The following DEPDC5 variants were observed in gnomAD, a reference collection of about 807,000 sequenced individuals.
The protein encoded by DEPDC5 is GATOR1 complex protein DEPDC5.
Under a neutral mutation model 217.3 loss-of-function variants are expected in DEPDC5, and 73 were observed. The ratio of observed to expected loss-of-function variants is 0.34; its 90% confidence interval spans 0.28 to 0.41. The LOEUF (loss-of-function observed/expected upper bound fraction) is 0.41, where lower values mean the gene tolerates loss of function less well. DEPDC5 is among the 10% of genes least tolerant of loss of function. The pLI is 1.00. For missense variants in DEPDC5, 1,675 were observed against 2,070.1 expected, an observed-to-expected ratio of 0.81 and a Z score of 3.70; for synonymous variants, 733 against 756.7, an observed-to-expected ratio of 0.97 and a Z score of 0.51.
chr22:31,761,128 C>T (rs1424592652), intron 4 of DEPDC5, among the ~76,000 whole-genome samples: 3 of 152,056 alleles, frequency 2.0e-5, no homozygotes, highest in African/African-American at 7.3e-5. Flanking sequence ...ACTACAGGCA[C>T]CTGCCACCAC....
intron 33 of DEPDC5, among the ~76,000 whole-genome samples, chr22:31,864,532 ATT>A (rs1569144881): frequency 2.1e-5 from 3 of 142,940 alleles, no homozygotes; most frequent in African/African-American, 5.2e-5. Flanking sequence ...ATATTTATAT[ATT>A]TATTTATTTA....
intron 7 of DEPDC5, among the ~76,000 whole-genome samples, chr22:31,775,757 G>A (rs1362020712): frequency 6.6e-6 from 1 of 151,876 alleles, no homozygotes; most frequent in Non-Finnish European, 1.5e-5. Context: ...CAGCTCTGTA[G>A]AAGGCTGGGC....
rs1038452790 is a variant in DEPDC5 at position 31,797,607 on chromosome 22, G to A, written c.775G>A (p.Val259Met). Reference sequence around the variant, plus strand: ...TGATAATACTCTTTTCAGAGTGGTGGTGCAGAATGAGAGAAGAGAAGAATG... The same window carrying A: ...TGATAATACTCTTTTCAGAGTGGTGATGCAGAATGAGAGAAGAGAAGAATG... ...RFYEDFYKVVVQNERREEWTS... is the reference protein window; with the variant it reads ...RFYEDFYKVVMQNERREEWTS... Residue 259 changes from valine (V) to methionine (M), a missense_variant, in exon 13 of 43, where the codon GTG (valine) becomes ATG (methionine). Physicochemically the swap from Val to Met is conservative, Grantham distance 21. Around this residue, in one of 11 missense-constraint regions of DEPDC5, gnomAD observed 628 missense variants for 762.1 expected, o/e 0.82. Coordinates refer to ENST00000651528, the MANE Select transcript of DEPDC5 (RefSeq NM_001242896.3). 1.9e-6 allele frequency: 3 copies of A among 1,612,962 alleles called. No individual in the cohort carries two copies. Among genetic ancestry groups the A allele is most frequent in the Non-Finnish European group, 2.5e-6 (3 of 1,178,966 alleles).
At chr22:31,895,867 A>C (rs2093542131) in intron 39 of DEPDC5, among the ~76,000 whole-genome samples, 1 of 152,000 alleles carries the variant, frequency 6.6e-6, no homozygotes, top group South Asian at 2.1e-4. Context: ...CAAATAAAAA[A>C]AGACAGCCTG....
intron 18 of DEPDC5, among the ~76,000 whole-genome samples, chr22:31,809,032 T>C (rs1300853170): frequency 6.6e-6 from 1 of 152,108 alleles, no homozygotes; most frequent in Non-Finnish European, 1.5e-5. Flanking sequence ...GCTCCCAAGG[T>C]GCTGGGATTA....
At chr22:31,880,896 C>T (rs373260656) in intron 38 of DEPDC5, among the ~76,000 whole-genome samples, 2 of 152,086 alleles carry the variant, frequency 1.3e-5, no homozygotes, top group South Asian at 2.1e-4. Flanking sequence ...TGACAGTGTG[C>T]ACCAGGTACT....
At chr22:31,864,576 TA>T (rs2092632281) in intron 33 of DEPDC5, among the ~76,000 whole-genome samples, 1 of 149,358 alleles carries the variant, frequency 6.7e-6, no homozygotes, top group Non-Finnish European at 1.5e-5. Flanking sequence ...TAAAAGGAAA[TA>T]AAAAATAATT....
chr22:31,826,053 C>T (rs555491684), intron 24 of DEPDC5, among the ~76,000 whole-genome samples: 1 of 152,130 alleles, frequency 6.6e-6, no homozygotes, highest in Non-Finnish European at 1.5e-5. Flanking sequence ...GTCTCCCAGG[C>T]TGGAGTGCAG....
At chr22:31,797,098 AG>A (rs1226847655) in intron 12 of DEPDC5, among the ~76,000 whole-genome samples, 1 of 151,422 alleles carries the variant, frequency 6.6e-6, no homozygotes, top group African/African-American at 2.4e-5. Context: ...TCTGTCACCA[AG>A]GCTGGAGTGC....
At chr22:31,861,976 C>A (rs1444082998) in intron 33 of DEPDC5, among the ~76,000 whole-genome samples, 2 of 152,212 alleles carry the variant, frequency 1.3e-5, no homozygotes, top group African/African-American at 2.4e-5. Context: ...CGGTGGCTCA[C>A]GCCTGTAATC....
At chr22:31,827,262 T>C (rs1275351407) in intron 24 of DEPDC5, among the ~76,000 whole-genome samples, 4 of 152,174 alleles carry the variant, frequency 2.6e-5, no homozygotes, top group African/African-American at 9.7e-5. Context: ...TGAACTCCCA[T>C]CTTTGACCTT....
At position 31,845,154 on chromosome 22, in the gene DEPDC5, T is replaced by A; in HGVS notation, c.2938T>A (p.Trp980Arg). ...CAGGCCCCGTGCAGACGAGGACGAG[T>A]GGCAACTCCTGGATGGTTTTGTCCG... ...GDRPRADEDE[W>R]QLLDGFVRFV... Residue 980 changes from tryptophan to arginine, a missense_variant, in exon 30 of 43, where the codon TGG (tryptophan) becomes AGG (arginine). By Grantham distance (101) the Trp-to-Arg change is moderately radical (BLOSUM62 -3). Transcript: ENST00000651528. The A allele has an allele frequency of 6.2e-7, 1 of 1,614,074 alleles. No homozygotes were observed. Among genetic ancestry groups the A allele is most frequent in the South Asian group, 1.1e-5 (1 of 91,070 alleles).
Position 31,841,857 on chromosome 22 carries a change from T to G in DEPDC5, c.2516-1238T>G, listed in dbSNP as rs149137347. Among the ~76,000 whole-genome samples the G allele has an allele frequency of 2.4e-3, 361 of 152,348 alleles. 1 individual carries two copies. The highest frequency in any genetic ancestry group is 8.2e-3 in the African/African-American group (341 of 41,584). ...TCTAGGAAGTCAGCCTGAATTAGTC[T>G]TAGGTTCCCTGCCTCCAGACCCTGT... On this transcript the variant is annotated intron_variant, in intron 27 of 42. Coordinates refer to ENST00000651528, the MANE Select transcript of DEPDC5 (RefSeq NM_001242896.3).
At chr22:31,852,699 A>G (rs2092094594) in intron 31 of DEPDC5, among the ~76,000 whole-genome samples, 1 of 152,204 alleles carries the variant, frequency 6.6e-6, no homozygotes, top group East Asian at 1.9e-4. Flanking sequence ...ATATTTCAGA[A>G]TGTACCTCGG....
At chr22:31,901,242 CAA>C (rs1241211030) in intron 40 of DEPDC5, among the ~76,000 whole-genome samples, 39 of 97,224 alleles carry the variant, frequency 4.0e-4, no homozygotes, top group Non-Finnish European at 3.5e-4. Context: ...GACTCTCCCT[CAA>C]AAAAAAAAAA....
At chr22:31,768,978 T>C (rs1181921140) in intron 7 of DEPDC5, 115 bp downstream of exon 7, 1 of 1,398,216 alleles carries the variant, frequency 7.2e-7, no homozygotes, top group Non-Finnish European at 9.9e-7. Flanking sequence ...GTTAGATTGT[T>C]GGCTGGCCAC....
chr22:31,834,504 T>C (rs1271751606), intron 25 of DEPDC5, among the ~76,000 whole-genome samples: 2 of 151,710 alleles, frequency 1.3e-5, no homozygotes, highest in Non-Finnish European at 2.9e-5. Flanking sequence ...TATCACTGAG[T>C]CTTTTTGTCC....
At chr22:31,756,473 A>G (rs2081950454) in intron 2 of DEPDC5, among the ~76,000 whole-genome samples, 2 of 152,222 alleles carry the variant, frequency 1.3e-5, no homozygotes, top group African/African-American at 2.4e-5. Flanking sequence ...GATGTTGCCT[A>G]AATATTTGTG....
Position 31,844,921 on chromosome 22 carries a change from T to C in DEPDC5, c.2802-97T>C, listed in dbSNP as rs924910020. On this transcript the variant is annotated intron_variant, in intron 29 of 42. Transcript: ENST00000651528. ...AAATGAGCACATACTCATGGGGAGA[T>C]GGACCTTCACACACCAACTCCACAG... 26 of 1,245,562 alleles carry C rather than the reference T, an allele frequency of 2.1e-5. No homozygotes were observed. The African/African-American group carries it at 3.0e-4, about 14-fold the overall frequency. 77.2% of individuals were successfully genotyped at this position (1,245,562 alleles called of 1,614,324 possible). A position where few individuals can be genotyped will look rare whatever the true frequency, so the allele number is the denominator to read the frequency against.
Sources: gnomAD v4.1 joint callset for allele counts (sites outside exome capture counted in the v4.1 genomes callset) on GRCh38, gnomAD v4.1.1 for gene constraint, gnomAD v4.1.1 regional missense constraint, MANE v1.5 for transcripts, NCBI Gene and HGNC (gene_info 2026-07-23, HGNC 2026-07-21) for gene names.